PTPN14: variants seen among roughly 807,000 people sequenced by gnomAD.
The protein encoded by PTPN14 is tyrosine-protein phosphatase non-receptor type 14.
In PTPN14, 53 loss-of-function variants were observed where a neutral mutation model predicts 126.8. The observed-to-expected ratio is 0.42, with a 90% CI of 0.34 to 0.53. PTPN14 has a LOEUF of 0.53. PTPN14 is among the 20% of genes least tolerant of loss of function. The pLI is 0.08. For synonymous variants in PTPN14, 630 were observed against 599.3 expected (o/e 1.05, Z -0.75); for missense variants, 1,257 against 1,552.9 (o/e 0.81, Z 3.20).
At position 214,402,884 on chromosome 1, in the gene PTPN14, T is replaced by C; in HGVS notation, c.580A>G (p.Ser194Gly). 6.2e-7 allele frequency: 1 copy of C among 1,613,918 alleles called. No individual in the cohort carries two copies. Among genetic ancestry groups the C allele is most frequent in the South Asian group, 1.1e-5 (1 of 91,062 alleles). ...QKVAQEHKAH[S>G]GILPAEAELM... is the part of the protein sequence containing the mutation. ...CCCCTTACCCTCTGCCTGCCTTACC[T>C]GTGGGCTTTGTGTTCTTGGGCTACC... is the stretch of plus-strand genomic sequence containing the variant. Residue 194 changes from serine to glycine, a missense_variant and splice_region_variant, in exon 6 of 19, where the codon AGT becomes GGT. Transcript: ENST00000366956.
chr1:214,411,797 T>A, intron 4 of PTPN14, 46 bp from the exon 5 acceptor site: 1 of 1,280,872 alleles, frequency 7.8e-7, no homozygotes, highest in Non-Finnish European at 1.1e-6. Flanking sequence ...TATATGAAAT[T>A]AAAGATGGAA....
chr1:214,428,395 T>C (rs1036484448), intron 3 of PTPN14, among the ~76,000 whole-genome samples: 1 of 152,320 alleles, frequency 6.6e-6, no homozygotes, highest in East Asian at 1.9e-4. Flanking sequence ...TTCTAAAAAT[T>C]ATAACCACAT....
At position 214,376,374 on chromosome 1, in the gene PTPN14, T is replaced by G. The variant is rs1245568133; in HGVS notation, c.2752A>C (p.Lys918Gln). 6.2e-7 allele frequency: 1 copy of G among 1,614,100 alleles called. No individual in the cohort carries two copies. The highest frequency in any genetic ancestry group is 8.5e-7 in the Non-Finnish European group (1 of 1,180,024). The change falls in exon 15 of 19, where the codon AAG becomes CAG. Residue 918 changes from lysine (K) to glutamine (Q), a missense_variant. Around this residue, in one of 3 missense-constraint regions of PTPN14, gnomAD observed 65 missense variants for 139.7 expected, o/e 0.47. Coordinates refer to ENST00000366956, the MANE Select transcript of PTPN14 (RefSeq NM_005401.5). Reference sequence around the variant, plus strand: ...CTGAAAATGCCATTCGCCTTTTTCTTTGGAATTTGCTCATATTCTGTGAAC... The same window carrying G: ...CTGAAAATGCCATTCGCCTTTTTCTGTGGAATTTGCTCATATTCTGTGAAC... Reference protein sequence around the residue: ...MVFTEYEQIPKKKANGIFSTA... With the variant: ...MVFTEYEQIPQKKANGIFSTA...
rs568047060 is a variant in PTPN14 at position 214,461,917 on chromosome 1, T to C, written c.174+2713A>G. On this transcript the variant is annotated intron_variant, in intron 2 of 18. Coordinates refer to ENST00000366956, the MANE Select transcript of PTPN14 (RefSeq NM_005401.5). ...AAATGACCCAAATACAAATTCAAGG[T>C]ATGAGGAGCAGACCTTGAGTTCACC... Among the ~76,000 whole-genome samples, 12 of 152,308 alleles carry C rather than the reference T, an allele frequency of 7.9e-5. No individual in the cohort carries two copies. The South Asian group carries it at 2.1e-3, about 26-fold the overall frequency.
chr1:214,387,052 A>G, intron 11 of PTPN14, 130 bp from the exon 12 acceptor site: 1 of 739,332 alleles, frequency 1.4e-6, no homozygotes, highest in Non-Finnish European at 2.3e-6. Context: ...TGTCCCTGCC[A>G]CCCCTTTGAC....
chr1:214,394,873 CCTGA>C (rs1658841005), intron 9 of PTPN14, 22 bp downstream of exon 9: 1 of 1,582,094 alleles, frequency 6.3e-7, no homozygotes, highest in Non-Finnish European at 8.7e-7. Context: ...CTTGTCAGAC[CCTGA>C]CTGTTTGTCT....
At chr1:214,536,835 G>A (rs1282282949) in intron 1 of PTPN14, among the ~76,000 whole-genome samples, 2 of 152,106 alleles carry the variant, frequency 1.3e-5, no homozygotes, top group African/African-American at 4.8e-5. Flanking sequence ...GTAATTGTGG[G>A]TTTTGCCATT....
chr1:214,417,029 AAAC>A (rs1251012531), intron 3 of PTPN14, among the ~76,000 whole-genome samples: 5 of 152,248 alleles, frequency 3.3e-5, no homozygotes, highest in East Asian at 1.9e-4. Flanking sequence ...GGAAAAAAAA[AAAC>A]AACAATTTTC....
At position 214,394,748 on chromosome 1, in the gene PTPN14, T is replaced by TA. The variant is rs1209364925; in HGVS notation, c.846+150dup. On this transcript the variant is annotated intron_variant, in intron 9 of 18. Coordinates refer to ENST00000366956, the MANE Select transcript of PTPN14 (RefSeq NM_005401.5). ...TTCATCACCACTATCCTGGAATGAGTAATGACAGCACTGACCAAGTATTAG... is the reference window on the plus strand; with the variant it reads ...TTCATCACCACTATCCTGGAATGAGTAAATGACAGCACTGACCAAGTATTAG... The TA allele has an allele frequency of 1.6e-4, 119 of 726,264 alleles. No individual in the cohort carries two copies. In the African/African-American group the frequency reaches 1.9e-3, roughly 12 times the overall value. The allele number at this position is 726,264 out of a possible 1,614,324, so 45.0% of individuals were successfully genotyped here. A position where few individuals can be genotyped will look rare whatever the true frequency, so the allele number is the denominator to read the frequency against.
At chr1:214,438,625 T>C (rs1446679864) in intron 3 of PTPN14, among the ~76,000 whole-genome samples, 1 of 152,200 alleles carries the variant, frequency 6.6e-6, no homozygotes, top group Non-Finnish European at 1.5e-5. Flanking sequence ...TGGTTTACAG[T>C]GATTTGGGTT....
At chr1:214,400,154 C>T (rs777218794) in intron 7 of PTPN14, among the ~76,000 whole-genome samples, 1 of 152,152 alleles carries the variant, frequency 6.6e-6, no homozygotes, top group Non-Finnish European at 1.5e-5. Context: ...CAATAAGAAC[C>T]TGTACCAATC....
Position 214,451,882 on chromosome 1 carries a change from G to A in PTPN14, c.267C>T (p.Phe89=), listed in dbSNP as rs1303010908. 12 of 1,614,210 alleles carry A rather than the reference G, an allele frequency of 7.4e-6. No homozygotes were observed. In the South Asian group the frequency reaches 8.8e-5, roughly 12 times the overall value. Residue 89 remains phenylalanine, a synonymous_variant, in exon 3 of 19, where the codon TTC becomes TTT. Transcript: ENST00000366956. ...EKPLKKHLDK[F]ANEPLLFFGV... Reference sequence around the variant, plus strand: ...CAAAGAAAAGCAAAGGCTCATTAGCGAATTTGTCCAGATGTTTCTTCAGAG... The same window carrying A: ...CAAAGAAAAGCAAAGGCTCATTAGCAAATTTGTCCAGATGTTTCTTCAGAG...
rs566513502 is a variant in PTPN14, at chr1:214,479,104, G to A, written c.-154-14147C>T. Among the ~76,000 whole-genome samples the A allele has an allele frequency of 2.6e-5, 4 of 151,984 alleles. No individual in the cohort carries two copies. In the South Asian group the frequency reaches 8.3e-4, roughly 32 times the overall value. On this transcript the variant is annotated intron_variant, in intron 1 of 18. Transcript: ENST00000366956. ...CTCATGCCTGTAATCTTGGCACTTT[G>A]GGAGATCGAGGTGGAATGATCACTA...
chr1:214,494,366 C>T (rs4655358), intron 1 of PTPN14, among the ~76,000 whole-genome samples: 38,824 of 151,946 alleles, frequency 0.26, 5,136 homozygotes, highest in East Asian at 0.43. Flanking sequence ...CCGGCCCCTC[C>T]TCTCTCTTTC....
chr1:214,542,593 T>C (rs1245862988), intron 1 of PTPN14, among the ~76,000 whole-genome samples: 1 of 152,020 alleles, frequency 6.6e-6, no homozygotes, highest in African/African-American at 2.4e-5. Flanking sequence ...AAGGCCAGAA[T>C]GGCAAGAGGG....
At chr1:214,403,507 C>T (rs1659086333) in intron 5 of PTPN14, among the ~76,000 whole-genome samples, 1 of 152,158 alleles carries the variant, frequency 6.6e-6, no homozygotes, top group African/African-American at 2.4e-5. Context: ...TGTAAGGCAA[C>T]AGTTGCGTAG....
In PTPN14 at chr1:214,525,256, A is replaced by G. The variant is rs549230920; in HGVS notation, c.-155+25927T>C. On this transcript the variant is annotated intron_variant, in intron 1 of 18. Transcript: ENST00000366956. ...TGGAGCAAAACTTCGGCTAAATTCT[A>G]CTAAACCTCTTACCCCAACCACTTC... Among the ~76,000 whole-genome samples the G allele has an allele frequency of 1.5e-3, 234 of 152,346 alleles. 1 individual carries two copies. The highest frequency in any genetic ancestry group is 5.2e-3 in the South Asian group (25 of 4,826).
intron 1 of PTPN14, among the ~76,000 whole-genome samples, chr1:214,481,444 A>G (rs149629770): frequency 0.017 from 2,271 of 136,344 alleles, 59 homozygotes; most frequent in African/African-American, 0.058. Flanking sequence ...CTGGGAGGCC[A>G]AGGTTGCTGT....
At chr1:214,379,367 T>C (rs957830873) in intron 13 of PTPN14, among the ~76,000 whole-genome samples, 2 of 152,096 alleles carry the variant, frequency 1.3e-5, no homozygotes, top group Admixed American at 6.5e-5. Context: ...TAATTGCGGG[T>C]GGGAGGACTG....
Sources: gnomAD v4.1 joint callset for allele counts (sites outside exome capture counted in the v4.1 genomes callset) on GRCh38, gnomAD v4.1.1 for gene constraint, gnomAD v4.1.1 regional missense constraint, MANE v1.5 for transcripts, NCBI Gene and HGNC (gene_info 2026-07-23, HGNC 2026-07-21) for gene names.